The following TOP2A variants were observed in gnomAD, a reference collection of about 807,000 sequenced individuals.
TOP2A encodes the protein DNA topoisomerase II alpha.
In TOP2A, 68 loss-of-function variants were observed where a neutral mutation model predicts 187.2. The observed-to-expected ratio is 0.36, with a 90% CI of 0.30 to 0.44. TOP2A has a LOEUF of 0.44. Among genes scored for constraint, TOP2A ranks in the 20% least tolerant of loss-of-function variants. The pLI is 1.00. For synonymous variants in TOP2A, 542 were observed against 593.2 expected (o/e 0.91, Z 1.25); for missense variants, 1,196 against 1,808.7 (o/e 0.66, Z 6.14).
chr17:40,405,245 G>C (rs1040348923), intron 16 of TOP2A, among the ~76,000 whole-genome samples: 1 of 151,740 alleles, frequency 6.6e-6, no homozygotes, highest in African/African-American at 2.4e-5. Context: ...CACTTCCCAA[G>C]TTCAAGTGAT....
chr17:40,400,553 C>A lies in TOP2A; in HGVS notation c.2775G>T (p.Glu925Asp). The A allele has an allele frequency of 6.2e-7, 1 of 1,609,626 alleles. No individual in the cohort carries two copies. Among genetic ancestry groups the A allele is most frequent in the South Asian group, 1.1e-5 (1 of 89,588 alleles). The change falls in exon 22 of 35, where the codon GAG becomes GAT. Residue 925 changes from glutamate to aspartate, a missense_variant. By Grantham distance (45) the Glu-to-Asp change is conservative (BLOSUM62 2). Coordinates refer to ENST00000423485, the MANE Select transcript of TOP2A (RefSeq NM_001067.4). ...ILNSTTIEIS[E>D]LPVRTWTQTY... ...CCTGGGTCCATGTTCTGACGGGAAG[C>A]TCTGAGATTTCAATGGTTGTAGAAT... is the stretch of plus-strand genomic sequence containing the variant.
Position 40,392,571 on chromosome 17 carries a change from T to A in TOP2A, c.3964+14A>T, listed in dbSNP as rs1410317433. The A allele has an allele frequency of 6.2e-7, 1 of 1,603,220 alleles. No homozygotes were observed. The highest frequency in any genetic ancestry group is 2.2e-5 in the East Asian group (1 of 44,846). Reference sequence around the variant, plus strand: ...TCTTACAGTTTATCTATAATGTTCTTTAGTTTTCCTTACTTGCTGCTCTCC... The same window carrying A: ...TCTTACAGTTTATCTATAATGTTCTATAGTTTTCCTTACTTGCTGCTCTCC... On this transcript the variant is annotated intron_variant, in intron 30 of 34. Transcript: ENST00000423485.
chr17:40,403,042 T>C lies in TOP2A; in HGVS notation c.2296A>G (p.Met766Val). The C allele has an allele frequency of 1.9e-6, 3 of 1,598,640 alleles. No individual in the cohort carries two copies. Among genetic ancestry groups the C allele is most frequent in the South Asian group, 1.1e-5 (1 of 88,450 alleles). ...TTCTGAGCCAAATTGATAATGGTCA[T>C]CATTAGTGACATCTGTGGGGAAAAA... ...SYHHGEMSLM[M>V]TIINLAQNFV... is the part of the protein sequence containing the mutation. The change falls in exon 20 of 35, where the codon ATG becomes GTG. Residue 766 changes from methionine (M) to valine (V), a missense_variant. Coordinates refer to ENST00000423485, the MANE Select transcript of TOP2A (RefSeq NM_001067.4).
chr17:40,416,176 C>T, intron 3 of TOP2A, 108 bp from the exon 4 acceptor site: 1 of 915,672 alleles, frequency 1.1e-6, no homozygotes, highest in Non-Finnish European at 1.7e-6. Context: ...ACAGGAGTGG[C>T]ATTAACAAGG....
In TOP2A at chr17:40,411,023, G is replaced by A; in HGVS notation, c.1203+86C>T. 4 of 1,346,322 alleles carry A rather than the reference G, an allele frequency of 3.0e-6. No homozygotes were observed. Among genetic ancestry groups the A allele is most frequent in the Non-Finnish European group, 4.0e-6 (4 of 1,012,280 alleles). 83.4% of individuals were successfully genotyped at this position (1,346,322 alleles called of 1,614,324 possible). On this transcript the variant is annotated intron_variant, in intron 10 of 34. Coordinates refer to ENST00000423485, the MANE Select transcript of TOP2A (RefSeq NM_001067.4). The surrounding 1 kb of genome is among the most constrained non-coding windows in gnomAD (Gnocchi z 4.4). ...GAAGACTTGGAGAAGCTCACTATGA[G>A]AAGAATCATTGTTTCTGCAGAGCTA...
chr17:40,392,004 A>C, intron 32 of TOP2A, 64 bp downstream of exon 32: 1 of 1,531,094 alleles, frequency 6.5e-7, no homozygotes, highest in African/African-American at 1.4e-5. Context: ...CCAGGATTAG[A>C]ACCCAGTTGG....
intron 7 of TOP2A, 25 bp downstream of exon 7, chr17:40,412,734 C>T (rs1411096622): frequency 6.3e-7 from 1 of 1,584,688 alleles, no homozygotes; most frequent in Non-Finnish European, 8.7e-7. Flanking sequence ...CCCTTATTAT[C>T]CTTAACATCC....
intron 7 of TOP2A, 69 bp downstream of exon 7, chr17:40,412,690 A>T (rs1277711710): frequency 7.6e-7 from 1 of 1,317,182 alleles, no homozygotes; most frequent in Non-Finnish European, 1.1e-6. Context: ...GAGGGGAAAA[A>T]ATTCAATTTT....
At chr17:40,394,427 G>T (rs2035064599) in intron 29 of TOP2A, among the ~76,000 whole-genome samples, 1 of 152,176 alleles carries the variant, frequency 6.6e-6, no homozygotes, top group Admixed American at 6.5e-5. Context: ...CTGCCTCCTG[G>T]GTTCAAGCGA....
rs759632318 is a variant in TOP2A, at chr17:40,406,874, C to T, written c.1695G>A (p.Leu565=). ...NFIHHNWPSL[L]RHRFLEEFIT... is the part of the protein sequence containing the mutation. ...TAAATTCCTCCAGAAAACGATGTCG[C>T]AGAAGAGAGGGCCAGTTGTGATGGA... The change falls in exon 14 of 35, where the codon CTG becomes CTA. Residue 565 remains leucine, a synonymous_variant. Coordinates refer to ENST00000423485, the MANE Select transcript of TOP2A (RefSeq NM_001067.4). 1.2e-6 allele frequency: 2 copies of T among 1,608,216 alleles called. No individual in the cohort carries two copies. The highest frequency in any genetic ancestry group is 1.7e-6 in the Non-Finnish European group (2 of 1,176,814).
chr17:40,413,458 T>C (rs113841027), intron 5 of TOP2A, 22 bp downstream of exon 5: 40 of 1,501,144 alleles, frequency 2.7e-5, no homozygotes, highest in African/African-American at 2.3e-4. Flanking sequence ...AACAAATATG[T>C]TATTTCCCCT....
At chr17:40,395,306 A>ATTT in intron 29 of TOP2A, 143 bp downstream of exon 29, 1 of 253,892 alleles carries the variant, frequency 3.9e-6, no homozygotes, top group Middle Eastern at 1.5e-3. Context: ...AAAAAAAAAG[A>ATTT]GGTCCAAGTA....
intron 29 of TOP2A, among the ~76,000 whole-genome samples, chr17:40,394,722 T>C (rs2035068084): frequency 6.6e-6 from 1 of 152,230 alleles, no homozygotes; most frequent in South Asian, 2.1e-4. Context: ...CATTATCAAA[T>C]GATTAACAGA....
At chr17:40,397,927 T>C (rs537950980) in intron 27 of TOP2A, among the ~76,000 whole-genome samples, 1 of 151,200 alleles carries the variant, frequency 6.6e-6, no homozygotes, top group Non-Finnish European at 1.5e-5. Flanking sequence ...TACAGGCATG[T>C]GCCACTACGC....
chr17:40,403,556 A>C (rs1428807586), intron 19 of TOP2A, among the ~76,000 whole-genome samples: 1 of 152,228 alleles, frequency 6.6e-6, no homozygotes, highest in African/African-American at 2.4e-5. Flanking sequence ...ATTATATTTA[A>C]AATTCTAGAA....
Position 40,407,653 on chromosome 17 carries a change from T to C in TOP2A, c.1522A>G (p.Asn508Asp). ...HKQIMENAEI[N>D]NIIKIVGLQY... ...AGACCCACAATCTTGATGATATTGT[T>C]AATCTCAGCATTTTCCATGATCTGA... The change falls in exon 13 of 35, where the codon AAC becomes GAC. Residue 508 changes from asparagine to aspartate, a missense_variant. By Grantham distance (23) the Asn-to-Asp change is conservative. This residue lies in a region of TOP2A where 252 missense variants were observed against 434.8 expected (regional missense o/e 0.58). Coordinates refer to ENST00000423485, the MANE Select transcript of TOP2A (RefSeq NM_001067.4). 6.3e-7 allele frequency: 1 copy of C among 1,580,988 alleles called. No individual in the cohort carries two copies. The highest frequency in any genetic ancestry group is 1.4e-5 in the African/African-American group (1 of 73,404).
Position 40,400,577 on chromosome 17 carries a change from A to G in TOP2A, c.2751T>C (p.Asn917=). ...YVISGEVAIL[N]STTIEISELP... is the part of the protein sequence containing the mutation. ...GCTCTGAGATTTCAATGGTTGTAGA[A>G]TTAAGAATAGCTACTTCACCACTAA... The change falls in exon 22 of 35, where the codon AAT becomes AAC. Residue 917 remains asparagine (N), a synonymous_variant. Coordinates refer to ENST00000423485, the MANE Select transcript of TOP2A (RefSeq NM_001067.4). 6.2e-7 allele frequency: 1 copy of G among 1,611,922 alleles called. No homozygotes were observed. The highest frequency in any genetic ancestry group is 8.5e-7 in the Non-Finnish European group (1 of 1,179,102).
At position 40,398,930 on chromosome 17, in the gene TOP2A, T is replaced by C. The variant is rs928507830; in HGVS notation, c.3296A>G (p.Asp1099Gly). The C allele has an allele frequency of 6.2e-7, 1 of 1,608,272 alleles. No individual in the cohort carries two copies. The highest frequency in any genetic ancestry group is 8.5e-7 in the Non-Finnish European group (1 of 1,177,356). ...GTCACTCTCTTCATTTTCTTCTTCATCTGGAACCTAAAGGATTAATTAAAA... is the reference window on the plus strand; with the variant it reads ...GTCACTCTCTTCATTTTCTTCTTCACCTGGAACCTAAAGGATTAATTAAAA... ...AWKEAQQKVP[D>G]EEENEESDNE... Residue 1099 changes from aspartate to glycine, a missense_variant, in exon 26 of 35, where the codon GAT (aspartate) becomes GGT (glycine). Transcript: ENST00000423485.
At chr17:40,395,306 A>ATT in intron 29 of TOP2A, 143 bp downstream of exon 29, 2 of 253,888 alleles carry the variant, frequency 7.9e-6, no homozygotes, top group Non-Finnish European at 1.5e-5. Context: ...AAAAAAAAAG[A>ATT]GGTCCAAGTA....
Sources: allele counts gnomAD v4.1 joint callset (sites outside exome capture counted in the v4.1 genomes callset), GRCh38; gene constraint gnomAD v4.1.1; regional missense constraint gnomAD v4.1.1; non-coding constraint Gnocchi (gnomAD v3.1); transcripts MANE v1.5; gene names NCBI Gene and HGNC (gene_info 2026-07-23, HGNC 2026-07-21).